The following SGCZ variants were observed in gnomAD, a reference collection of about 807,000 sequenced individuals.
The protein encoded by SGCZ is zeta-sarcoglycan.
A neutral mutation model predicts 41.3 loss-of-function variants in SGCZ; 40 were observed. The observed-to-expected ratio is 0.97, with a 90% CI of 0.75 to 1.26. The LOEUF (loss-of-function observed/expected upper bound fraction) is 1.26. SGCZ is among the 50% of genes most tolerant of loss of function. The pLI, the probability that SGCZ is intolerant of heterozygous loss-of-function variation, is 0.00. For synonymous variants in SGCZ, 206 were observed against 137.5 expected (o/e 1.50, Z -3.49); for missense variants, 552 against 369.8 (o/e 1.49, Z -4.04).
intron 1 of SGCZ, among the ~76,000 whole-genome samples, chr8:14,770,247 G>A (rs1339126525): frequency 1.3e-5 from 2 of 151,568 alleles, no homozygotes; most frequent in East Asian, 3.9e-4. Flanking sequence ...ACGAGTTCTA[G>A]CAGACTAGTA....
intron 3 of SGCZ, chr8:14,308,923 C>G: frequency 1.9e-6 from 1 of 517,634 alleles, no homozygotes; most frequent in Non-Finnish European, 3.5e-6. Flanking sequence ...AATTTGAAAT[C>G]CAGTAGACTA....
intron 1 of SGCZ, among the ~76,000 whole-genome samples, chr8:15,155,935 G>A (rs1181163436): frequency 6.6e-6 from 1 of 151,664 alleles, no homozygotes; most frequent in Non-Finnish European, 1.5e-5. Flanking sequence ...GCGCACACCT[G>A]TAGTCCAAGC....
chr8:14,412,437 T>C (rs1451643492), intron 2 of SGCZ, among the ~76,000 whole-genome samples: 1 of 152,134 alleles, frequency 6.6e-6, no homozygotes, highest in Non-Finnish European at 1.5e-5. Context: ...ATGAATGGAA[T>C]TATGTGGTGA....
intron 2 of SGCZ, among the ~76,000 whole-genome samples, chr8:14,359,640 C>A (rs552633799): frequency 1.3e-5 from 2 of 151,960 alleles, no homozygotes; most frequent in African/African-American, 4.8e-5. Flanking sequence ...GGCTGTAAGT[C>A]TCTCAGCAAA....
At chr8:14,695,806 G>C (rs1031815985) in intron 1 of SGCZ, among the ~76,000 whole-genome samples, 2 of 151,902 alleles carry the variant, frequency 1.3e-5, no homozygotes, top group Admixed American at 6.6e-5. Context: ...AAGTGATGAG[G>C]AGGGGGCCAA....
At chr8:14,740,852 G>C (rs188342782) in intron 1 of SGCZ, among the ~76,000 whole-genome samples, 15 of 152,080 alleles carry the variant, frequency 9.9e-5, no homozygotes, top group Admixed American at 8.5e-4. Context: ...ACCAAGTCAG[G>C]AATCCATTTA....
At chr8:14,383,712 G>C (rs962574271) in intron 2 of SGCZ, among the ~76,000 whole-genome samples, 3 of 152,174 alleles carry the variant, frequency 2.0e-5, no homozygotes, top group African/African-American at 4.8e-5. Context: ...GGTTGGGAAA[G>C]AGTGAAACAT....
rs546267821 is a variant in SGCZ at position 14,230,562 on chromosome 8, G to C, written c.424+7030C>G. Among the ~76,000 whole-genome samples the C allele has an allele frequency of 2.0e-5, 3 of 152,140 alleles. No individual in the cohort carries two copies. The South Asian group carries it at 6.2e-4, about 32-fold the overall frequency. Reference sequence around the variant, plus strand: ...AAAATCCATGCCATTAATTGGTGAAGTATACGTCCTTCCTAAAAATAGTTT... The same window carrying C: ...AAAATCCATGCCATTAATTGGTGAACTATACGTCCTTCCTAAAAATAGTTT... On this transcript the variant is annotated intron_variant, in intron 4 of 7. Coordinates refer to ENST00000382080, the MANE Select transcript of SGCZ (RefSeq NM_139167.4).
rs550135334 is a variant in SGCZ, at chr8:15,117,123, G to C, written c.39+120462C>G. Among the ~76,000 whole-genome samples, 70 of 152,272 alleles carry C rather than the reference G, an allele frequency of 4.6e-4. 1 individual carries two copies. The highest frequency in any genetic ancestry group is 1.7e-3 in the African/African-American group (69 of 41,566). On this transcript the variant is annotated intron_variant, in intron 1 of 7. Transcript: ENST00000382080. ...GCAGTGGCTCATGCCTGTAATCCCAGCATTTTGGGAGGCCAAGGCAGGCGG... is the reference window on the plus strand; with the variant it reads ...GCAGTGGCTCATGCCTGTAATCCCACCATTTTGGGAGGCCAAGGCAGGCGG...
chr8:15,101,020 A>T (rs968956550), intron 1 of SGCZ, among the ~76,000 whole-genome samples: 1 of 152,166 alleles, frequency 6.6e-6, no homozygotes, highest in East Asian at 1.9e-4. Flanking sequence ...ACCATTTGTA[A>T]TAAAAAACAA....
At chr8:14,628,719 G>T (rs771770278) in intron 1 of SGCZ, among the ~76,000 whole-genome samples, 43 of 151,932 alleles carry the variant, frequency 2.8e-4, no homozygotes, top group Non-Finnish European at 5.4e-4. Context: ...TTTCATTTTG[G>T]TTATCTCCTC....
rs1469235034 is a variant in SGCZ, at chr8:14,702,828, G to GATAGATAGATAC, written c.40-147903_40-147902insGTATCTATCTAT. ...AGGTAGTTAGGTAGATAGATAGATA[G>GATAGATAGATAC]ATAGATAGATAGATAGATAGATAGA... On this transcript the variant is annotated intron_variant, in intron 1 of 7. Coordinates refer to ENST00000382080, the MANE Select transcript of SGCZ (RefSeq NM_139167.4). Among the ~76,000 whole-genome samples, 217 of 48,810 alleles carry GATAGATAGATAC rather than the reference G, an allele frequency of 4.4e-3. 3 individuals carry two copies. Among genetic ancestry groups the GATAGATAGATAC allele is most frequent in the African/African-American group, 0.012 (214 of 17,714 alleles). 32.0% of individuals were successfully genotyped at this position (48,810 alleles called of 152,430 possible).
At chr8:14,595,319 T>C (rs1156460988) in intron 1 of SGCZ, among the ~76,000 whole-genome samples, 1 of 152,068 alleles carries the variant, frequency 6.6e-6, no homozygotes, top group African/African-American at 2.4e-5. Context: ...CACCCACATC[T>C]GGTAAGTTAC....
chr8:14,668,042 C>T (rs1006147317), intron 1 of SGCZ, among the ~76,000 whole-genome samples: 4 of 152,074 alleles, frequency 2.6e-5, no homozygotes, highest in African/African-American at 7.2e-5. Context: ...CTGCAACCTC[C>T]GCCTCCCAGG....
intron 3 of SGCZ, among the ~76,000 whole-genome samples, chr8:14,255,586 GATA>G (rs1799434472): frequency 6.6e-6 from 1 of 151,776 alleles, no homozygotes; most frequent in African/African-American, 2.4e-5. Context: ...ATTTATTAAA[GATA>G]ATTACAATTA....
chr8:14,761,376 A>T (rs1799866685), intron 1 of SGCZ, among the ~76,000 whole-genome samples: 1 of 152,016 alleles, frequency 6.6e-6, no homozygotes, highest in African/African-American at 2.4e-5. Flanking sequence ...AACTCTAGAA[A>T]ACAAACTTTA....
At position 14,680,963 on chromosome 8, in the gene SGCZ, G is replaced by GAAAAAAAAAAAAAAA. The variant is rs374278969; in HGVS notation, c.40-126038_40-126037insTTTTTTTTTTTTTTT. ...TGAAACATACAGAGGAAAAAGAGTGGGAAAAAAAAAAAAAAAAACAGAAAA... is the reference window on the plus strand; with the variant it reads ...TGAAACATACAGAGGAAAAAGAGTGGAAAAAAAAAAAAAAAGAAAAAAAAAAAAAAAAACAGAAAA... On this transcript the variant is annotated intron_variant, in intron 1 of 7. Transcript: ENST00000382080. Among the ~76,000 whole-genome samples, 28 of 106,170 alleles carry GAAAAAAAAAAAAAAA rather than the reference G, an allele frequency of 2.6e-4. 1 individual carries two copies. The highest frequency in any genetic ancestry group is 6.1e-4 in the African/African-American group (14 of 22,960). The allele number at this position is 106,170 out of a possible 152,430, so 69.7% of individuals were successfully genotyped here. A position where few individuals can be genotyped will look rare whatever the true frequency, so the allele number is the denominator to read the frequency against.
chr8:14,816,884 A>T (rs1312595441), intron 1 of SGCZ, among the ~76,000 whole-genome samples: 1 of 152,234 alleles, frequency 6.6e-6, no homozygotes, highest in Non-Finnish European at 1.5e-5. Context: ...TATATTTTCC[A>T]TGTCTGCACT....
intron 1 of SGCZ, among the ~76,000 whole-genome samples, chr8:14,799,710 A>G (rs538281700): frequency 6.6e-6 from 1 of 152,160 alleles, no homozygotes; most frequent in Non-Finnish European, 1.5e-5. Context: ...TTAAATTTAA[A>G]AAGCGTAGAA....
Sources: gnomAD v4.1 joint callset for allele counts (sites outside exome capture counted in the v4.1 genomes callset) on GRCh38, gnomAD v4.1.1 for gene constraint, MANE v1.5 for transcripts, NCBI Gene and HGNC (gene_info 2026-07-23, HGNC 2026-07-21) for gene names.